The following CBFA2T3 variants were observed in gnomAD, a reference collection of about 807,000 sequenced individuals.
CBFA2T3 encodes CBFA2/RUNX1 partner transcriptional co-repressor 3, also known as transcriptional corepressor CBFA2T3.
Under a neutral mutation model 58.6 loss-of-function variants are expected in CBFA2T3, and 31 were observed. The observed-to-expected ratio is 0.53, with a 90% CI of 0.40 to 0.71. The LOEUF (loss-of-function observed/expected upper bound fraction) is 0.71, where lower values mean the gene tolerates loss of function less well. Among genes scored for constraint, CBFA2T3 ranks in the 30% least tolerant of loss-of-function variants. The pLI, the probability that CBFA2T3 is intolerant of heterozygous loss-of-function variation, is 0.00. For synonymous variants in CBFA2T3, 531 were observed against 421.9 expected (o/e 1.26, Z -3.17); for missense variants, 1,076 against 963.1 (o/e 1.12, Z -1.55).
intron 1 of CBFA2T3, among the ~76,000 whole-genome samples, chr16:88,931,355 G>A (rs915398856): frequency 3.9e-5 from 6 of 152,116 alleles, no homozygotes; most frequent in East Asian, 3.9e-4. Context: ...GGAGCTGAGC[G>A]ACCTTCTTGC....
intron 1 of CBFA2T3, among the ~76,000 whole-genome samples, chr16:88,974,546 G>A (rs1567643418): frequency 1.3e-5 from 2 of 152,262 alleles, no homozygotes; most frequent in East Asian, 3.9e-4. Context: ...CACCAAACGC[G>A]CAGCAACACA....
chr16:88,920,643 G>A (rs1202303503), intron 1 of CBFA2T3, among the ~76,000 whole-genome samples: 1 of 152,186 alleles, frequency 6.6e-6, no homozygotes, highest in African/African-American at 2.4e-5. Flanking sequence ...GCATGGTGAC[G>A]GAGTGGCAGG....
At chr16:88,961,014 C>G (rs1027559509) in intron 1 of CBFA2T3, among the ~76,000 whole-genome samples, 1 of 152,232 alleles carries the variant, frequency 6.6e-6, no homozygotes, top group African/African-American at 2.4e-5. Context: ...AACTGTAATG[C>G]TATTCACTGA....
chr16:88,882,541 T>G (rs998578929), intron 8 of CBFA2T3, 135 bp downstream of exon 8: 5 of 659,730 alleles, frequency 7.6e-6, no homozygotes, highest in African/African-American at 7.3e-5. Flanking sequence ...CATGGCTGTG[T>G]GCATGGGTGT....
intron 5 of CBFA2T3, 22 bp from the exon 6 acceptor site, chr16:88,886,164 C>A: frequency 6.6e-7 from 1 of 1,507,396 alleles, no homozygotes. Context: ...GGAAGGAGGG[C>A]CTGGGTAGCA....
In CBFA2T3 at chr16:88,882,727, G is replaced by A. The variant is rs2142542412; in HGVS notation, c.1152C>T (p.Asp384=). ...CCCACTCACGCTCTGTGAGCTTGTG[G>A]TCGATCACTTCTTCCTGCCGGGACC... ...VPGSRQEEVI[D]HKLTEREWAE... is the part of the protein sequence containing the mutation. The change falls in exon 8 of 12, where the codon GAC becomes GAT. Residue 384 remains aspartate, a synonymous_variant. Transcript: ENST00000268679. 2 of 1,589,974 alleles carry A rather than the reference G, an allele frequency of 1.3e-6. No homozygotes were observed. The highest frequency in any genetic ancestry group is 4.5e-5 in the East Asian group (2 of 44,054).
At chr16:88,902,224 G>A (rs115932621) in intron 1 of CBFA2T3, among the ~76,000 whole-genome samples, 6,863 of 152,278 alleles carry the variant, frequency 0.045, 227 homozygotes, top group African/African-American at 0.09. Context: ...TGTCTGCCCA[G>A]GGAGAGGCCG....
chr16:88,906,911 C>T (rs754019968), intron 1 of CBFA2T3, among the ~76,000 whole-genome samples: 5 of 152,222 alleles, frequency 3.3e-5, no homozygotes, highest in African/African-American at 7.2e-5. Context: ...CTGGGACACG[C>T]GGCCCTGTGG....
chr16:88,903,438 G>A (rs954131775), intron 1 of CBFA2T3, among the ~76,000 whole-genome samples: 2 of 152,112 alleles, frequency 1.3e-5, no homozygotes, highest in Non-Finnish European at 1.5e-5. Context: ...AGGCCTCGCG[G>A]CACCTGCTGT....
intron 1 of CBFA2T3, among the ~76,000 whole-genome samples, chr16:88,923,089 C>T (rs1199737136): frequency 6.6e-6 from 1 of 152,218 alleles, no homozygotes; most frequent in Non-Finnish European, 1.5e-5. Flanking sequence ...AAATACCCCA[C>T]GTCTCCCCAA....
In CBFA2T3 at chr16:88,876,182, G is replaced by A. The variant is rs188274409; in HGVS notation, c.*794C>T. 1.7e-5 allele frequency: 4 copies of A among 231,808 alleles called. No individual in the cohort carries two copies. The highest frequency in any genetic ancestry group is 6.1e-5 in the East Asian group (1 of 16,342). The allele number at this position is 231,808 out of a possible 1,614,324, so 14.4% of individuals were successfully genotyped here. On this transcript the variant is annotated 3_prime_UTR_variant, in exon 12 of 12. Coordinates refer to ENST00000268679, the MANE Select transcript of CBFA2T3 (RefSeq NM_005187.6). ...TTTCCTTTGGAGCAGAGGTGTGTCC[G>A]GTATCCTTGGCTGGCTAGCTAGCAA...
chr16:88,881,497 C>A lies in CBFA2T3; in HGVS notation c.1204-8G>T, dbSNP rs750764995. On this transcript the variant is annotated splice_polypyrimidine_tract_variant and splice_region_variant and intron_variant, in intron 8 of 11. Transcript: ENST00000268679. ...CATGATGCAGTTCAGGAGCTGGGGG[C>A]GGGCGGCGCAGCCTTCAGCACCTCA... The A allele has an allele frequency of 2.5e-6, 4 of 1,596,674 alleles. No homozygotes were observed. The East Asian group carries it at 9.0e-5, about 36-fold the overall frequency.
At position 88,876,452 on chromosome 16, in the gene CBFA2T3, G is replaced by A. The variant is rs976434186; in HGVS notation, c.*524C>T. On this transcript the variant is annotated 3_prime_UTR_variant, in exon 12 of 12. Coordinates refer to ENST00000268679, the MANE Select transcript of CBFA2T3 (RefSeq NM_005187.6). ...TCTTTCTCCCTTTTTAATCAGGAGGGGGAGAACCCCCCCGTTTTCTTTGTC... is the reference window on the plus strand; with the variant it reads ...TCTTTCTCCCTTTTTAATCAGGAGGAGGAGAACCCCCCCGTTTTCTTTGTC... 3.9e-5 allele frequency: 9 copies of A among 231,390 alleles called. No individual in the cohort carries two copies. Among genetic ancestry groups the A allele is most frequent in the Admixed American group, 2.3e-4 (4 of 17,688 alleles). 14.3% of individuals were successfully genotyped at this position (231,390 alleles called of 1,614,324 possible). A position where few individuals can be genotyped will look rare whatever the true frequency, so the allele number is the denominator to read the frequency against.
intron 8 of CBFA2T3, 52 bp downstream of exon 8, chr16:88,882,624 G>A (rs1349039406): frequency 1.7e-6 from 2 of 1,179,906 alleles, no homozygotes; most frequent in Non-Finnish European, 2.4e-6. Flanking sequence ...GTGTGTGCGT[G>A]GCTGTGCGCC....
At chr16:88,899,682 A>G (rs1339699058) in intron 2 of CBFA2T3, among the ~76,000 whole-genome samples, 1 of 152,190 alleles carries the variant, frequency 6.6e-6, no homozygotes, top group Non-Finnish European at 1.5e-5. Context: ...CCCAGGGAAG[A>G]GCAGGTGGGG....
intron 1 of CBFA2T3, among the ~76,000 whole-genome samples, chr16:88,908,582 G>C (rs1328046695): frequency 6.6e-6 from 1 of 152,174 alleles, no homozygotes; most frequent in Non-Finnish European, 1.5e-5. Flanking sequence ...AGCCCGCCCT[G>C]CCCAGCTGGG....
intron 5 of CBFA2T3, among the ~76,000 whole-genome samples, chr16:88,887,746 A>G (rs1020700948): frequency 6.6e-6 from 1 of 152,104 alleles, no homozygotes; most frequent in Non-Finnish European, 1.5e-5. Context: ...AGGTGTCACC[A>G]CTAAAATGCT....
At chr16:88,889,948 C>A (rs542657009) in intron 5 of CBFA2T3, among the ~76,000 whole-genome samples, 7 of 142,124 alleles carry the variant, frequency 4.9e-5, no homozygotes, top group Admixed American at 4.2e-4. Flanking sequence ...CGACGCCGTG[C>A]GATTCCTCCT....
rs34558819 is a variant in CBFA2T3, at chr16:88,903,659, T to TGG, written c.152-2005_152-2004dup. Among the ~76,000 whole-genome samples, 513 of 76,956 alleles carry TGG rather than the reference T, an allele frequency of 6.7e-3. 6 individuals are homozygous for TGG. Among genetic ancestry groups the TGG allele is most frequent in the African/African-American group, 0.02 (403 of 20,148 alleles). 50.5% of individuals were successfully genotyped at this position (76,956 alleles called of 152,430 possible). A position where few individuals can be genotyped will look rare whatever the true frequency, so the allele number is the denominator to read the frequency against. On this transcript the variant is annotated intron_variant, in intron 1 of 11. Transcript: ENST00000268679. ...TTCCTGTGGTGGGGGTGTTCCCGGC[T>TGG]GGGGGGGGGGGCGTTCCTGGGGGGG...
Sources: allele counts gnomAD v4.1 joint callset (sites outside exome capture counted in the v4.1 genomes callset), GRCh38; gene constraint gnomAD v4.1.1; transcripts MANE v1.5; gene names NCBI Gene and HGNC (gene_info 2026-07-23, HGNC 2026-07-21).